GABPB1: variants seen among roughly 807,000 people sequenced by gnomAD.
GABPB1 encodes GA binding protein transcription factor subunit beta 1.
GABPB1 carries 15 observed loss-of-function variants against 45.9 expected under a neutral mutation model. The observed-to-expected ratio is 0.33, with a 90% CI of 0.22 to 0.50. GABPB1 has a LOEUF of 0.50. Among genes scored for constraint, GABPB1 ranks in the 20% least tolerant of loss-of-function variants. The probability of loss-of-function intolerance (pLI) is 0.98; values close to 1 mark genes in which losing one functional copy is unlikely to be tolerated. For synonymous variants in GABPB1, 143 were observed against 154.4 expected, an observed-to-expected ratio of 0.93 and a Z score of 0.55; for missense variants, 252 against 457.5, an observed-to-expected ratio of 0.55 and a Z score of 4.10.
At position 50,277,925 on chromosome 15, in the gene GABPB1, G is replaced by GA. The variant is rs2045869318; in HGVS notation, c.*706_*707insT. 6.8e-6 allele frequency: 1 copy of GA among 146,998 alleles called. No homozygotes were observed. Among genetic ancestry groups the GA allele is most frequent in the African/African-American group, 2.8e-5 (1 of 36,142 alleles). The allele number at this position is 146,998 out of a possible 1,614,324, so 9.1% of individuals were successfully genotyped here. ...TTACTTCGTTTCAATGACCTACAGA[G>GA]TAAAGGGGTTTTGTTTTTGTTTTTT... On this transcript the variant is annotated 3_prime_UTR_variant, in exon 9 of 9. Coordinates refer to ENST00000380877, the MANE Select transcript of GABPB1 (RefSeq NM_016654.5).
chr15:50,280,758 A>G lies in GABPB1; in HGVS notation c.1000-1974T>C, dbSNP rs535815653. Among the ~76,000 whole-genome samples the G allele has an allele frequency of 9.2e-5, 14 of 152,262 alleles. 1 individual carries two copies. In the East Asian group the frequency reaches 2.7e-3, roughly 29 times the overall value. ...TTGTCTCAAAAGAAAAAAAAAAGAA[A>G]AAAGAGAAAACAAACAAAAACTTAC... On this transcript the variant is annotated intron_variant, in intron 8 of 8. Coordinates refer to ENST00000380877, the MANE Select transcript of GABPB1 (RefSeq NM_016654.5).
At chr15:50,334,608 A>G (rs745380195) in intron 1 of GABPB1, among the ~76,000 whole-genome samples, 81 of 148,022 alleles carry the variant, frequency 5.5e-4, no homozygotes, top group Non-Finnish European at 1.2e-4. Flanking sequence ...CCTGGACTCA[A>G]GTGATCCTCC....
At chr15:50,352,862 T>A (rs983963830) in intron 1 of GABPB1, 8 of 152,254 alleles carry the variant, frequency 5.3e-5, no homozygotes, top group Admixed American at 4.6e-4. Flanking sequence ...TAAATTTTTA[T>A]GCATTAATCA....
At chr15:50,309,622 A>G in intron 2 of GABPB1, 69 bp downstream of exon 2, 1 of 905,498 alleles carries the variant, frequency 1.1e-6, no homozygotes, top group Non-Finnish European at 1.8e-6. Flanking sequence ...AATACTGACT[A>G]CATTTTTCTC....
chr15:50,333,679 GT>G (rs947115914), intron 1 of GABPB1, among the ~76,000 whole-genome samples: 1 of 152,138 alleles, frequency 6.6e-6, no homozygotes, highest in Admixed American at 6.6e-5. Context: ...TTGACAGGTA[GT>G]TTTCATTCCA....
chr15:50,291,355 G>A (rs1418087228), intron 6 of GABPB1, among the ~76,000 whole-genome samples: 3 of 150,606 alleles, frequency 2.0e-5, no homozygotes, highest in African/African-American at 7.3e-5. Flanking sequence ...ATCTCACTCT[G>A]TCACCCAGGT....
chr15:50,309,067 G>A (rs555161404), intron 2 of GABPB1, among the ~76,000 whole-genome samples: 14 of 151,962 alleles, frequency 9.2e-5, no homozygotes, highest in African/African-American at 2.7e-4. Context: ...AGGCAAAAAC[G>A]GCAAAATCAA....
intron 1 of GABPB1, chr15:50,351,367 GA>G (rs2048817323): frequency 6.6e-6 from 1 of 152,336 alleles, no homozygotes; most frequent in East Asian, 1.9e-4. Flanking sequence ...CTTGAGTCCA[GA>G]AGTTTGAGAC....
chr15:50,303,333 G>A (rs1026778188), intron 3 of GABPB1, among the ~76,000 whole-genome samples: 2 of 152,180 alleles, frequency 1.3e-5, no homozygotes, highest in Non-Finnish European at 2.9e-5. Context: ...TGGATCAGCT[G>A]AGCTCAGGGG....
chr15:50,352,905 T>C (rs188882963), intron 1 of GABPB1: 2 of 152,216 alleles, frequency 1.3e-5, no homozygotes, highest in Non-Finnish European at 1.5e-5. Flanking sequence ...TAAGTATAAT[T>C]GTCTCCCAAC....
At chr15:50,303,888 T>A (rs2046846112) in intron 3 of GABPB1, 78 bp downstream of exon 3, 4 of 1,124,820 alleles carry the variant, frequency 3.6e-6, no homozygotes, top group Non-Finnish European at 5.0e-6. Flanking sequence ...AGTAGGCATT[T>A]AACAAAAACT....
intron 1 of GABPB1, among the ~76,000 whole-genome samples, chr15:50,340,570 AAC>A (rs1347495816): frequency 1.0e-4 from 14 of 136,772 alleles, no homozygotes; most frequent in South Asian, 2.3e-4. Context: ...AAAAAAAAAA[AAC>A]ATTACCACAT....
chr15:50,289,447 A>C, intron 7 of GABPB1, 36 bp downstream of exon 7: 1 of 1,411,644 alleles, frequency 7.1e-7, no homozygotes, highest in South Asian at 1.4e-5. Flanking sequence ...TAAAAAAAAA[A>C]AACATACAAA....
chr15:50,275,522 T>C lies in GABPB1; in HGVS notation c.*3110A>G, dbSNP rs1392271776. On this transcript the variant is annotated 3_prime_UTR_variant, in exon 9 of 9. Coordinates refer to ENST00000380877, the MANE Select transcript of GABPB1 (RefSeq NM_016654.5). ...TGCAATTAATACCCTGATAAACCCA[T>C]TGTAAAGTCAAACAATCATAAATCA... 6.6e-6 allele frequency: 1 copy of C among 152,196 alleles called. No individual in the cohort carries two copies. Among genetic ancestry groups the C allele is most frequent in the South Asian group, 2.1e-4 (1 of 4,826 alleles). 9.4% of individuals were successfully genotyped at this position (152,196 alleles called of 1,614,324 possible).
chr15:50,298,857 C>A (rs1008744909), intron 6 of GABPB1, among the ~76,000 whole-genome samples: 2 of 149,080 alleles, frequency 1.3e-5, no homozygotes, highest in Admixed American at 1.4e-4. Context: ...GAGGCTGAGG[C>A]AGGAGAACTG....
intron 1 of GABPB1, chr15:50,350,782 G>C (rs2048789452): frequency 6.6e-6 from 1 of 152,032 alleles, no homozygotes; most frequent in African/African-American, 2.4e-5. Context: ...CAATTTTGAG[G>C]AAATTTATCT....
At position 50,302,892 on chromosome 15, in the gene GABPB1, TTTTC is replaced by T. The variant is rs776007660; in HGVS notation, c.471+33_471+36del. ...AGATCCCTCTACTGATAAGGCTTCT[TTTTC>T]TTTATTTTCTTAAATTAAAAGCCAA... On this transcript the variant is annotated intron_variant, in intron 4 of 8. Transcript: ENST00000380877. 29 of 1,411,308 alleles carry T rather than the reference TTTTC, an allele frequency of 2.1e-5. No individual in the cohort carries two copies. The African/African-American group carries it at 3.7e-4, about 18-fold the overall frequency. The allele number at this position is 1,411,308 out of a possible 1,614,324, so 87.4% of individuals were successfully genotyped here. A position where few individuals can be genotyped will look rare whatever the true frequency, so the allele number is the denominator to read the frequency against.
At chr15:50,354,371 G>A (rs746955878) in intron 1 of GABPB1, 91 of 451,514 alleles carry the variant, frequency 2.0e-4, no homozygotes, top group Non-Finnish European at 3.7e-4. Context: ...GACTGGCCAG[G>A]CTCTTCCATT....
chr15:50,294,570 A>G (rs1222997804), intron 6 of GABPB1, among the ~76,000 whole-genome samples: 1 of 152,106 alleles, frequency 6.6e-6, no homozygotes, highest in Non-Finnish European at 1.5e-5. Flanking sequence ...GAAAAAATAA[A>G]CTTTTCGAAG....
Sources: gnomAD v4.1 joint callset for allele counts (sites outside exome capture counted in the v4.1 genomes callset) on GRCh38, gnomAD v4.1.1 for gene constraint, MANE v1.5 for transcripts, NCBI Gene and HGNC (gene_info 2026-07-23, HGNC 2026-07-21) for gene names.